FER: variants seen among roughly 807,000 people sequenced by gnomAD.
The protein encoded by FER is FER tyrosine kinase, also known as tyrosine-protein kinase Fer.
In FER, 63 loss-of-function variants were observed where a neutral mutation model predicts 111.0. That is an observed-to-expected ratio of 0.57 (90% CI 0.46 to 0.70). FER has a LOEUF of 0.70. Ranked by LOEUF, FER falls within the 30% of genes least tolerant of loss-of-function variation. The probability of loss-of-function intolerance (pLI) is 0.00; values close to 1 mark genes in which losing one functional copy is unlikely to be tolerated. For missense variants in FER, 914 were observed against 954.0 expected, an observed-to-expected ratio of 0.96 and a Z score of 0.55; for synonymous variants, 327 against 313.9, an observed-to-expected ratio of 1.04 and a Z score of -0.44.
At chr5:109,090,762 A>G (rs564042980) in intron 16 of FER, among the ~76,000 whole-genome samples, 11 of 152,332 alleles carry the variant, frequency 7.2e-5, no homozygotes, top group African/African-American at 2.4e-4. Flanking sequence ...ATTAAACTCA[A>G]AGATATGTCA....
chr5:109,024,032 A>G (rs1367471293), intron 13 of FER, among the ~76,000 whole-genome samples: 2 of 149,112 alleles, frequency 1.3e-5, no homozygotes, highest in Non-Finnish European at 2.9e-5. Context: ...TTCTCTTTTT[A>G]TCTTTATTTT....
chr5:109,004,434 A>T (rs1379072968), intron 13 of FER, among the ~76,000 whole-genome samples: 1 of 152,192 alleles, frequency 6.6e-6, no homozygotes, highest in Admixed American at 6.5e-5. Flanking sequence ...CCTAACCAAA[A>T]CATTGAAAAC....
chr5:108,861,050 A>G (rs1326658184), intron 5 of FER, among the ~76,000 whole-genome samples: 2 of 152,214 alleles, frequency 1.3e-5, no homozygotes, highest in African/African-American at 4.8e-5. Flanking sequence ...TATAGGGATT[A>G]TAATTCCAGA....
intron 17 of FER, among the ~76,000 whole-genome samples, chr5:109,110,160 GC>G (rs1749429824): frequency 1.3e-5 from 2 of 152,088 alleles, no homozygotes; most frequent in Non-Finnish European, 2.9e-5. Flanking sequence ...AGATTCTCTG[GC>G]TACAGTGATG....
At chr5:109,029,425 C>CTT (rs757282669) in intron 13 of FER, among the ~76,000 whole-genome samples, 847 of 52,182 alleles carry the variant, frequency 0.016, 42 homozygotes, top group African/African-American at 0.064. Context: ...ATTCATTGTT[C>CTT]TTTTTTTTTT....
intron 5 of FER, among the ~76,000 whole-genome samples, chr5:108,848,678 C>T (rs1181567581): frequency 6.6e-6 from 1 of 151,906 alleles, no homozygotes; most frequent in Non-Finnish European, 1.5e-5. Context: ...CTACACACTA[C>T]ATTGTTTTTG....
At chr5:109,048,000 T>C (rs1451405806) in intron 16 of FER, among the ~76,000 whole-genome samples, 2 of 152,198 alleles carry the variant, frequency 1.3e-5, no homozygotes, top group Non-Finnish European at 2.9e-5. Flanking sequence ...GAAGTAAAAT[T>C]TGATCTCATA....
At chr5:108,898,392 T>G (rs1445990623) in intron 10 of FER, among the ~76,000 whole-genome samples, 2 of 152,066 alleles carry the variant, frequency 1.3e-5, no homozygotes, top group African/African-American at 4.8e-5. Context: ...ATGCCTAGTA[T>G]AAAGTCTTTC....
At chr5:109,154,083 A>AT (rs1350456997) in intron 17 of FER, among the ~76,000 whole-genome samples, 1 of 151,772 alleles carries the variant, frequency 6.6e-6, no homozygotes, top group Non-Finnish European at 1.5e-5. Context: ...TACGCAAAAA[A>AT]AAAACCCATG....
At chr5:109,000,250 A>G (rs998298663) in intron 13 of FER, among the ~76,000 whole-genome samples, 2 of 151,966 alleles carry the variant, frequency 1.3e-5, no homozygotes, top group Admixed American at 6.6e-5. Context: ...ATCAAAAAGC[A>G]TCATAAACAG....
rs140119880 is a variant in FER, at chr5:109,188,705, T to G, written c.*1130T>G. On this transcript the variant is annotated 3_prime_UTR_variant, in exon 20 of 20. Transcript: ENST00000281092. ...TACCAGAAAGGTCCTAAGAAAAGTT[T>G]CAGGAGTTCGTAGAGTCCTCGTAAT... The G allele has an allele frequency of 2.5e-4, 38 of 152,312 alleles. No homozygotes were observed. Among genetic ancestry groups the G allele is most frequent in the African/African-American group, 8.9e-4 (37 of 41,582 alleles). The allele number at this position is 152,312 out of a possible 1,614,324, so 9.4% of individuals were successfully genotyped here. A position where few individuals can be genotyped will look rare whatever the true frequency, so the allele number is the denominator to read the frequency against.
intron 13 of FER, among the ~76,000 whole-genome samples, chr5:109,002,668 T>A (rs531649124): frequency 6.6e-6 from 1 of 152,094 alleles, no homozygotes; most frequent in African/African-American, 2.4e-5. Flanking sequence ...AAGAAACTAC[T>A]ATCAGAGTGA....
chr5:108,884,156 G>A (rs1347762297), intron 9 of FER, among the ~76,000 whole-genome samples: 1 of 151,896 alleles, frequency 6.6e-6, no homozygotes, highest in Non-Finnish European at 1.5e-5. Context: ...TGCTGGTGTG[G>A]TTTTTCTAAT....
chr5:108,930,273 A>G (rs986011250), intron 10 of FER, among the ~76,000 whole-genome samples: 3 of 140,438 alleles, frequency 2.1e-5, no homozygotes, highest in African/African-American at 8.0e-5. Context: ...AGGCCTCCCA[A>G]AGTAAAAGGA....
At chr5:108,824,938 C>A (rs1486325448) in intron 3 of FER, among the ~76,000 whole-genome samples, 3 of 120,034 alleles carry the variant, frequency 2.5e-5, no homozygotes, top group African/African-American at 1.3e-4. Context: ...TTGGTAGGAT[C>A]TGTGATGCCC....
intron 17 of FER, among the ~76,000 whole-genome samples, chr5:109,150,776 G>T (rs1410602599): frequency 6.6e-6 from 1 of 152,064 alleles, no homozygotes; most frequent in Non-Finnish European, 1.5e-5. Context: ...AATTTCATGT[G>T]TCTTTGCTAT....
At chr5:109,132,031 A>C (rs190638037) in intron 17 of FER, among the ~76,000 whole-genome samples, 5 of 152,320 alleles carry the variant, frequency 3.3e-5, no homozygotes, top group African/African-American at 9.6e-5. Flanking sequence ...ATGTACCTAA[A>C]GTATGTGTCT....
intron 2 of FER, among the ~76,000 whole-genome samples, chr5:108,775,246 T>C (rs1753363227): frequency 6.6e-6 from 1 of 152,178 alleles, no homozygotes; most frequent in Non-Finnish European, 1.5e-5. Flanking sequence ...GTTCCATTTG[T>C]CTATATATCT....
chr5:108,877,790 G>A (rs1000432845), intron 8 of FER, among the ~76,000 whole-genome samples: 8 of 152,242 alleles, frequency 5.3e-5, no homozygotes, highest in Middle Eastern at 3.4e-3. Flanking sequence ...GAAGTTGGAA[G>A]TTTGATCCCT....
Sources: gnomAD v4.1 joint callset for allele counts (sites outside exome capture counted in the v4.1 genomes callset) on GRCh38, gnomAD v4.1.1 for gene constraint, MANE v1.5 for transcripts, NCBI Gene and HGNC (gene_info 2026-07-23, HGNC 2026-07-21) for gene names.